The following ZNF195 variants were observed in gnomAD, a reference collection of about 807,000 sequenced individuals.
ZNF195 encodes hypoxia-regulated factor-1.
ZNF195 carries 11 observed loss-of-function variants against 19.5 expected under a neutral mutation model. The ratio of observed to expected loss-of-function variants is 0.57; its 90% confidence interval spans 0.36 to 0.94. The LOEUF is 0.94. Ranked by LOEUF, ZNF195 falls within the 40% of genes least tolerant of loss-of-function variation. The probability of loss-of-function intolerance (pLI) is 0.01; values close to 1 mark genes in which losing one functional copy is unlikely to be tolerated. For missense variants in ZNF195, 582 were observed against 709.0 expected (o/e 0.82, Z 2.03); for synonymous variants, 214 against 248.1 (o/e 0.86, Z 1.29).
chr11:3,378,058 C>T (rs865829652), intron 1 of ZNF195, among the ~76,000 whole-genome samples: 15 of 152,184 alleles, frequency 9.9e-5, no homozygotes, highest in African/African-American at 3.4e-4. Context: ...GACTGTAATC[C>T]CAGCACTTTG....
At chr11:3,367,114 A>C in intron 3 of ZNF195, 1 of 319,212 alleles carries the variant, frequency 3.1e-6, no homozygotes. Flanking sequence ...AAATGGAATT[A>C]TATGATCCAG....
intron 1 of ZNF195, among the ~76,000 whole-genome samples, chr11:3,373,423 C>G (rs899677176): frequency 2.0e-5 from 3 of 152,118 alleles, no homozygotes; most frequent in African/African-American, 7.2e-5. Flanking sequence ...CAAATATTTT[C>G]AGAGACCCTT....
At chr11:3,371,811 AAT>A (rs2133720412) in intron 1 of ZNF195, 108 bp from the exon 2 acceptor site, 1 of 1,292,238 alleles carries the variant, frequency 7.7e-7, no homozygotes. Context: ...ACAATAAGGT[AAT>A]TCTTAGCAGA....
At chr11:3,367,783 G>A (rs557354334) in intron 3 of ZNF195, among the ~76,000 whole-genome samples, 2 of 152,070 alleles carry the variant, frequency 1.3e-5, no homozygotes, top group South Asian at 4.2e-4. Context: ...AATCAATGTG[G>A]AGTGCTTGCC....
Position 3,360,346 on chromosome 11 carries a change from TATTTATTA to T in ZNF195, c.654_661del (p.Tyr218Ter), listed in dbSNP as rs1677733868. Reference sequence around the variant, plus strand: ...TGAAAAGTTATCAAAGATTTTAACATATTTATTATATTGAAAGATTTTGCTATGGGTAG... The same window carrying T: ...TGAAAAGTTATCAAAGATTTTAACATTATTGAAAGATTTTGCTATGGGTAG... On this transcript the variant is annotated stop_gained and frameshift_variant, in exon 6 of 6. Transcript: ENST00000399602. LOFTEE classifies it low-confidence loss of function (END_TRUNC). 1 of 1,600,790 alleles carries T rather than the reference TATTTATTA, an allele frequency of 6.2e-7. No homozygotes were observed. The highest frequency in any genetic ancestry group is 1.3e-5 in the African/African-American group (1 of 74,128).
Position 3,358,776 on chromosome 11 carries a change from TTC to T in ZNF195, c.*340_*341del. On this transcript the variant is annotated 3_prime_UTR_variant, in exon 6 of 6. Transcript: ENST00000399602. ...TTTCTGAACGTGTCCTTGCTTATTT[TTC>T]CCATTTAGTGTATTTGCAAAATATC... The T allele has an allele frequency of 1.7e-5, 1 of 58,070 alleles. No individual in the cohort carries two copies. Among genetic ancestry groups the T allele is most frequent in the Non-Finnish European group, 2.6e-5 (1 of 38,008 alleles). The allele number at this position is 58,070 out of a possible 1,614,324, so 3.6% of individuals were successfully genotyped here. A position where few individuals can be genotyped will look rare whatever the true frequency, so the allele number is the denominator to read the frequency against.
Position 3,359,707 on chromosome 11 carries a change from C to CAGA in ZNF195, c.1300_1301insTCT (p.Gly434delinsValCys), listed in dbSNP as rs771049113. The CAGA allele has an allele frequency of 2.7e-5, 43 of 1,614,070 alleles. No homozygotes were observed. Among genetic ancestry groups the CAGA allele is most frequent in the Non-Finnish European group, 3.2e-5 (38 of 1,180,038 alleles). On this transcript the variant is annotated protein_altering_variant, in exon 6 of 6. Transcript: ENST00000399602. This position sits in a 1 kb window ranked among gnomAD's most constrained non-coding sequence, Gnocchi z 5.5. ...TTCGTCACATTTGTATGGTTTCTCA[C>CAGA]CAGTGTGAATTCTCTTATGTTTAGT...
At position 3,360,527 on chromosome 11, in the gene ZNF195, G is replaced by A; in HGVS notation, c.481C>T (p.Gln161Ter). The part of the protein sequence containing the change: ...SHFTQDLLPE[Q>*]GIQDAFPKRI... ...TTTGGGAATGCATCTTGTATGCCCT[G>A]CTCTGGCAGAAGGTCTTGGGTAAAA... The change falls in exon 6 of 6, where the codon CAG (glutamine) becomes TAG (stop). Residue 161 changes from glutamine (Q) to a stop codon, truncating the protein, a stop_gained. Transcript: ENST00000399602. LOFTEE classifies it low-confidence loss of function (END_TRUNC). 1.3e-6 allele frequency: 2 copies of A among 1,590,438 alleles called. No homozygotes were observed. The highest frequency in any genetic ancestry group is 8.5e-7 in the Non-Finnish European group (1 of 1,173,340).
intron 1 of ZNF195, among the ~76,000 whole-genome samples, chr11:3,377,210 T>G (rs1421845566): frequency 6.6e-6 from 1 of 152,184 alleles, no homozygotes; most frequent in Non-Finnish European, 1.5e-5. Context: ...TTGCAGTAAG[T>G]GAATAAATTA....
At chr11:3,363,628 C>G (rs991232431) in intron 3 of ZNF195, among the ~76,000 whole-genome samples, 4 of 152,206 alleles carry the variant, frequency 2.6e-5, no homozygotes, top group Admixed American at 2.6e-4. Flanking sequence ...CAATCTCTTT[C>G]AGATTTTGAA....
intron 4 of ZNF195, 112 bp downstream of exon 4, chr11:3,361,631 A>G (rs763912581): frequency 2.1e-4 from 152 of 725,728 alleles, no homozygotes; most frequent in Admixed American, 3.3e-4. Flanking sequence ...ATCAACTAGT[A>G]TAAACAAAAA....
chr11:3,359,856 A>G lies in ZNF195; in HGVS notation c.1152T>C (p.Cys384=). 6.2e-7 allele frequency: 1 copy of G among 1,614,136 alleles called. No homozygotes were observed. Among genetic ancestry groups the G allele is most frequent in the Non-Finnish European group, 8.5e-7 (1 of 1,180,038 alleles). The change falls in exon 6 of 6, where the codon TGT becomes TGC. Residue 384 remains cysteine, a synonymous_variant. Transcript: ENST00000399602. The surrounding 1 kb of genome is among the most constrained non-coding windows in gnomAD (Gnocchi z 5.5). ...GGTTAAAACCTTTGTACCATGTTTC[A>G]CATTTGGAGAGCTTCTCTCCAGCAA... The part of the protein sequence containing the change: ...MILAGEKLSK[C]ETWYKGFNHS...
intron 3 of ZNF195, among the ~76,000 whole-genome samples, chr11:3,365,792 C>T (rs1481933267): frequency 1.3e-5 from 2 of 152,122 alleles, no homozygotes; most frequent in Non-Finnish European, 1.5e-5. Context: ...GCAGAGAGCC[C>T]AGAAATAAAC....
At chr11:3,370,804 G>T in intron 3 of ZNF195, 171 bp downstream of exon 3, 1 of 583,978 alleles carries the variant, frequency 1.7e-6, no homozygotes, top group South Asian at 2.7e-5. Context: ...TACAAAATTT[G>T]AGAGAATGAG....
In ZNF195 at chr11:3,365,233, G is replaced by A. The variant is rs183614780; in HGVS notation, c.227-3344C>T. ...ACTCTAAGACCCCATTTGCAATACA[G>A]AATAGAAAATTACACAGAAGATCAA... is the stretch of plus-strand genomic sequence containing the variant. On this transcript the variant is annotated intron_variant, in intron 3 of 5. Coordinates refer to ENST00000399602, the MANE Select transcript of ZNF195 (RefSeq NM_001130520.3). Among the ~76,000 whole-genome samples, 109 of 152,274 alleles carry A rather than the reference G, an allele frequency of 7.2e-4. 1 individual carries two copies. Among genetic ancestry groups the A allele is most frequent in the Non-Finnish European group, 1.4e-3 (94 of 68,014 alleles).
intron 3 of ZNF195, among the ~76,000 whole-genome samples, chr11:3,365,761 A>T (rs933844872): frequency 6.6e-6 from 1 of 152,252 alleles, no homozygotes; most frequent in African/African-American, 2.4e-5. Context: ...ACAAAGACAG[A>T]TAACTAAATG....
At chr11:3,363,022 C>T (rs1449139560) in intron 3 of ZNF195, among the ~76,000 whole-genome samples, 2 of 152,112 alleles carry the variant, frequency 1.3e-5, no homozygotes, top group Non-Finnish European at 2.9e-5. Flanking sequence ...TCACAAAAAA[C>T]AAGAACATAA....
At chr11:3,378,968 T>A in intron 1 of ZNF195, 70 bp downstream of exon 1, 1 of 1,345,838 alleles carries the variant, frequency 7.4e-7, no homozygotes, top group East Asian at 3.0e-5. Context: ...GCCCGGTTCC[T>A]CCCGAGCCGG....
chr11:3,377,234 CAG>C (rs1490120700), intron 1 of ZNF195, among the ~76,000 whole-genome samples: 1 of 152,184 alleles, frequency 6.6e-6, no homozygotes, highest in Non-Finnish European at 1.5e-5. Context: ...CAAGGAGACA[CAG>C]AGAGTGGCAG....
Sources: allele counts gnomAD v4.1 joint callset (sites outside exome capture counted in the v4.1 genomes callset), GRCh38; gene constraint gnomAD v4.1.1; non-coding constraint Gnocchi (gnomAD v3.1); transcripts MANE v1.5; gene names NCBI Gene and HGNC (gene_info 2026-07-23, HGNC 2026-07-21).